Variants in RAVER2 observed in about 807,000 individuals in gnomAD.
RAVER2 encodes the protein ribonucleoprotein PTB-binding 2.
RAVER2 carries 46 observed loss-of-function variants against 78.1 expected under a neutral mutation model. The ratio of observed to expected loss-of-function variants is 0.59; its 90% CI spans 0.46 to 0.75. The LOEUF (loss-of-function observed/expected upper bound fraction) is 0.75, where lower values mean the gene tolerates loss of function less well. Among genes scored for constraint, RAVER2 ranks in the 30% least tolerant of loss-of-function variants. RAVER2 has a pLI of 0.00. For synonymous variants in RAVER2, 311 were observed against 313.3 expected, an observed-to-expected ratio of 0.99 and a Z score of 0.08; for missense variants, 793 against 837.5, an observed-to-expected ratio of 0.95 and a Z score of 0.66.
chr1:64,745,348 A>G lies in RAVER2; in HGVS notation c.176A>G (p.Gln59Arg), dbSNP rs1338233217. Residue 59 changes from glutamine (Q) to arginine (R), a missense_variant, in exon 1 of 12, where the codon CAG (glutamine) becomes CGG (arginine). Coordinates refer to ENST00000294428, the Ensembl canonical transcript of RAVER2. The surrounding 1 kb of genome is among the most constrained non-coding windows in gnomAD (Gnocchi z 4.3). ...CCTGAGGAGGTCGCCGCGCGACTGCAGCGGATGCAGCGGGAGCTGAGCAAC... is the reference window on the plus strand; with the variant it reads ...CCTGAGGAGGTCGCCGCGCGACTGCGGCGGATGCAGCGGGAGCTGAGCAAC... 2 of 1,541,530 alleles carry G rather than the reference A, an allele frequency of 1.3e-6. No individual in the cohort carries two copies. Among genetic ancestry groups the G allele is most frequent in the Non-Finnish European group, 1.7e-6 (2 of 1,142,930 alleles).
chr1:64,782,289 T>C (rs1652652711), intron 4 of RAVER2, among the ~76,000 whole-genome samples: 1 of 152,252 alleles, frequency 6.6e-6, no homozygotes, highest in Non-Finnish European at 1.5e-5. Flanking sequence ...TTCTTTATAG[T>C]AACTGTCTAC....
intron 11 of RAVER2, 96 bp downstream of exon 11, chr1:64,814,936 C>T (rs982710556): frequency 5.3e-6 from 6 of 1,138,104 alleles, no homozygotes; most frequent in African/African-American, 3.2e-5. Context: ...ATATTATTAA[C>T]GTAGGCAAAT....
chr1:64,831,184 C>T (rs1654119191), exon 12 of RAVER2: 2 of 436,508 alleles, frequency 4.6e-6, no homozygotes, highest in South Asian at 6.4e-5. Flanking sequence ...ACATTTTCCA[C>T]TAGAGTCAGA....
At chr1:64,824,911 A>G (rs886563613) in intron 11 of RAVER2, among the ~76,000 whole-genome samples, 5 of 141,058 alleles carry the variant, frequency 3.5e-5, no homozygotes, top group Non-Finnish European at 6.0e-5. Context: ...AGCTTGGGCA[A>G]CAGAGCGAGA....
At chr1:64,831,355 G>A (rs1654123641) in exon 12 of RAVER2, 1 of 158,644 alleles carries the variant, frequency 6.3e-6, no homozygotes, top group South Asian at 2.0e-4. Flanking sequence ...AGAAGAATGA[G>A]TTTCTTATAA....
At chr1:64,812,071 C>T (rs553697753) in intron 9 of RAVER2, among the ~76,000 whole-genome samples, 4 of 152,034 alleles carry the variant, frequency 2.6e-5, no homozygotes, top group South Asian at 4.2e-4. Flanking sequence ...ACAGGCCAGG[C>T]GCGGTGGGTC....
At chr1:64,816,675 T>C (rs1295221763) in intron 11 of RAVER2, among the ~76,000 whole-genome samples, 1 of 152,196 alleles carries the variant, frequency 6.6e-6, no homozygotes, top group African/African-American at 2.4e-5. Flanking sequence ...AAAAACCCTG[T>C]GAGATTTAGT....
intron 5 of RAVER2, among the ~76,000 whole-genome samples, chr1:64,801,101 T>TTAG (rs1188800392): frequency 6.7e-6 from 1 of 149,726 alleles, no homozygotes; most frequent in Non-Finnish European, 1.5e-5. Context: ...ATTTTGTATA[T>TTAG]TATTATTATT....
chr1:64,791,984 A>G (rs1259837632), intron 5 of RAVER2, among the ~76,000 whole-genome samples: 2 of 152,206 alleles, frequency 1.3e-5, no homozygotes, highest in Non-Finnish European at 2.9e-5. Flanking sequence ...TCAGTAAAAT[A>G]AATTTTGAGC....
Position 64,777,786 on chromosome 1 carries a change from ACTTGTTCGTG to A in RAVER2, c.484_493del (p.Val162MetfsTer27), listed in dbSNP as rs1393449342. 6.2e-7 allele frequency: 1 copy of A among 1,614,088 alleles called. No individual in the cohort carries two copies. Among genetic ancestry groups the A allele is most frequent in the South Asian group, 1.1e-5 (1 of 91,084 alleles). On this transcript the variant is annotated frameshift_variant, in exon 3 of 12. Coordinates refer to ENST00000294428, the Ensembl canonical transcript of RAVER2. LOFTEE classifies it high-confidence loss of function. Reference sequence around the variant, plus strand: ...CTTTTACATCAGAAGAGTTTGAAGAACTTGTTCGTGCTTATGGAAATATTGAGAGATGTTT... The same window carrying A: ...CTTTTACATCAGAAGAGTTTGAAGAACTTATGGAAATATTGAGAGATGTTT...
chr1:64,807,368 C>T lies in RAVER2; in HGVS notation c.1574C>T (p.Ser525Leu), dbSNP rs756043573. ...ATGGCAGAAGGAAATTTCTCAGGGT[C>T]GCAGCCTTATCTTCAGAGCTTTCCA... The change falls in exon 9 of 12, where the codon TCG becomes TTG. Residue 525 changes from serine (S) to leucine (L), a missense_variant. Coordinates refer to ENST00000294428, the Ensembl canonical transcript of RAVER2. 2.6e-5 allele frequency: 42 copies of T among 1,613,968 alleles called. No individual in the cohort carries two copies. The highest frequency in any genetic ancestry group is 3.4e-5 in the Non-Finnish European group (40 of 1,180,020).
At chr1:64,788,389 G>A (rs1460554679) in intron 4 of RAVER2, among the ~76,000 whole-genome samples, 4 of 151,462 alleles carry the variant, frequency 2.6e-5, no homozygotes, top group Non-Finnish European at 4.4e-5. Context: ...GGAGAATGGC[G>A]TGAACCCAGG....
chr1:64,832,043 A>AAAG (rs1491573688), exon 12 of RAVER2: 7 of 152,400 alleles, frequency 4.6e-5, no homozygotes, highest in African/African-American at 1.7e-4. Flanking sequence ...CAATTCACCT[A>AAAG]AAGACAGACC....
At chr1:64,817,507 C>T (rs1287242613) in intron 11 of RAVER2, among the ~76,000 whole-genome samples, 6 of 152,056 alleles carry the variant, frequency 3.9e-5, no homozygotes, top group Admixed American at 3.3e-4. Context: ...CCAACCCAAA[C>T]GTCCATCAGT....
chr1:64,813,635 T>C (rs1653680167), intron 10 of RAVER2, among the ~76,000 whole-genome samples: 1 of 152,158 alleles, frequency 6.6e-6, no homozygotes, highest in Non-Finnish European at 1.5e-5. Flanking sequence ...ATTTTTAATA[T>C]ACATCCTCTG....
chr1:64,791,246 G>A (rs533578221), intron 5 of RAVER2, among the ~76,000 whole-genome samples: 1 of 152,190 alleles, frequency 6.6e-6, no homozygotes, highest in South Asian at 2.1e-4. Flanking sequence ...ACTGAACTTC[G>A]ATGTCCAGAG....
At chr1:64,814,629 T>C (rs929024839) in intron 10 of RAVER2, 75 bp from the exon 11 acceptor site, 1 of 808,774 alleles carries the variant, frequency 1.2e-6, no homozygotes, top group Non-Finnish European at 1.6e-6. Context: ...AAATAATTTA[T>C]TTAAAATAAC....
chr1:64,763,955 C>CA lies in RAVER2; in HGVS notation c.250-4701_250-4700insA, dbSNP rs3223239. Among the ~76,000 whole-genome samples the CA allele has an allele frequency of 4.0e-4, 60 of 149,742 alleles. 1 individual carries two copies. In the East Asian group the frequency reaches 0.011, roughly 28 times the overall value. ...ACACACACACACACACACACACACA[C>CA]CCCTACCATGTAATTTAGCAATTCT... On this transcript the variant is annotated intron_variant, in intron 1 of 11. Transcript: ENST00000294428.
intron 2 of RAVER2, among the ~76,000 whole-genome samples, chr1:64,770,314 C>A (rs1652281055): frequency 6.6e-6 from 1 of 151,958 alleles, no homozygotes; most frequent in South Asian, 2.1e-4. Context: ...TGATAAACCT[C>A]ATAATTCATG....
Sources: gnomAD v4.1 joint callset for allele counts (sites outside exome capture counted in the v4.1 genomes callset) on GRCh38, gnomAD v4.1.1 for gene constraint, Gnocchi (gnomAD v3.1) non-coding constraint, MANE v1.5 for transcripts, NCBI Gene and HGNC (gene_info 2026-07-23, HGNC 2026-07-21) for gene names.